LMX1B: variants seen among roughly 807,000 people sequenced by gnomAD.
The protein encoded by LMX1B is LIM homeobox transcription factor 1-beta.
A neutral mutation model predicts 51.4 loss-of-function variants in LMX1B; 12 were observed. The ratio of observed to expected loss-of-function variants is 0.23; its 90% CI spans 0.15 to 0.38. The LOEUF (loss-of-function observed/expected upper bound fraction) is 0.38. LMX1B is among the 10% of genes least tolerant of loss of function. LMX1B has a pLI of 1.00. For synonymous variants in LMX1B, 237 were observed against 235.4 expected (o/e 1.01, Z -0.06); for missense variants, 445 against 571.1 (o/e 0.78, Z 2.25).
intron 2 of LMX1B, among the ~76,000 whole-genome samples, chr9:126,620,533 A>G (rs751986899): frequency 1.4e-4 from 22 of 152,216 alleles, no homozygotes; most frequent in Non-Finnish European, 2.9e-4. Flanking sequence ...GGGTGCGCAC[A>G]GGTGCCAACT....
At chr9:126,654,750 C>T (rs774777835) in intron 2 of LMX1B, among the ~76,000 whole-genome samples, 13 of 152,208 alleles carry the variant, frequency 8.5e-5, no homozygotes, top group East Asian at 3.8e-4. Flanking sequence ...GAGCATGCCA[C>T]GGAGAGCCAG....
intron 2 of LMX1B, among the ~76,000 whole-genome samples, chr9:126,689,000 A>G (rs2118982983): frequency 6.6e-6 from 1 of 152,208 alleles, no homozygotes; most frequent in East Asian, 1.9e-4. Context: ...AATCCTGACA[A>G]CAGCCTTCAG....
chr9:126,686,302 T>TAAAG (rs1836768891), intron 2 of LMX1B, among the ~76,000 whole-genome samples: 2 of 140,764 alleles, frequency 1.4e-5, no homozygotes, highest in African/African-American at 2.6e-5. Context: ...AAAAAGAAAT[T>TAAAG]AATCAGATTA....
chr9:126,621,904 T>C (rs1410487263), intron 2 of LMX1B, among the ~76,000 whole-genome samples: 1 of 152,136 alleles, frequency 6.6e-6, no homozygotes, highest in Admixed American at 6.5e-5. Flanking sequence ...ATGGCAACTT[T>C]CTTGGGTTTC....
Position 126,670,281 on chromosome 9 carries a change from C to T in LMX1B, c.327-20555C>T, listed in dbSNP as rs976175260. Among the ~76,000 whole-genome samples the T allele has an allele frequency of 6.6e-5, 10 of 152,344 alleles. No individual in the cohort carries two copies. The East Asian group carries it at 1.3e-3, about 21-fold the overall frequency. On this transcript the variant is annotated intron_variant, in intron 2 of 7. Coordinates refer to ENST00000373474, the MANE Select transcript of LMX1B (RefSeq NM_001174147.2). The stretch of plus-strand genomic sequence containing the variant: ...TGAGTAGAGGCGGCAGACCTCCCCA[C>T]GGGTGGACACGTGTGCATGTGCATG...
In LMX1B at chr9:126,695,470, G is replaced by T. The variant is rs1316603486; in HGVS notation, c.887-369G>T. On this transcript the variant is annotated intron_variant, in intron 6 of 7. Transcript: ENST00000373474. This position sits in a 1 kb window ranked among gnomAD's most constrained non-coding sequence, Gnocchi z 5.2. Reference sequence around the variant, plus strand: ...CTAGTTCTTTAAGTCACATCAGGGCGGGGGCCCTTTCCTCCAGGAAGTCTT... The same window carrying T: ...CTAGTTCTTTAAGTCACATCAGGGCTGGGGCCCTTTCCTCCAGGAAGTCTT... Among the ~76,000 whole-genome samples the T allele has an allele frequency of 1.1e-5, 1 of 89,732 alleles. No individual in the cohort carries two copies. Among genetic ancestry groups the T allele is most frequent in the African/African-American group, 2.9e-5 (1 of 35,070 alleles). The allele number at this position is 89,732 out of a possible 152,430, so 58.9% of individuals were successfully genotyped here.
At position 126,677,327 on chromosome 9, in the gene LMX1B, G is replaced by T. The variant is rs973979018; in HGVS notation, c.327-13509G>T. On this transcript the variant is annotated intron_variant, in intron 2 of 7. Coordinates refer to ENST00000373474, the MANE Select transcript of LMX1B (RefSeq NM_001174147.2). This position sits in a 1 kb window ranked among gnomAD's most constrained non-coding sequence, Gnocchi z 5.0. ...TCCCCTGGGCTCAGCATGGAGTCCT[G>T]CTCCTCTCTGGCACCCCCTTCTCAA... Among the ~76,000 whole-genome samples the T allele has an allele frequency of 6.6e-6, 1 of 152,186 alleles. No individual in the cohort carries two copies. The highest frequency in any genetic ancestry group is 6.5e-5 in the Admixed American group (1 of 15,276).
intron 2 of LMX1B, among the ~76,000 whole-genome samples, chr9:126,672,806 C>T (rs2118948935): frequency 6.6e-6 from 1 of 152,324 alleles, no homozygotes; most frequent in African/African-American, 2.4e-5. Context: ...GCACCATGTC[C>T]TGGCCAGCGG....
At chr9:126,622,505 C>G (rs571710465) in intron 2 of LMX1B, among the ~76,000 whole-genome samples, 2 of 152,162 alleles carry the variant, frequency 1.3e-5, no homozygotes, top group Non-Finnish European at 2.9e-5. Flanking sequence ...GGTCCCTCCC[C>G]CAAGCGCCTC....
chr9:126,615,449 T>C lies in LMX1B; in HGVS notation c.206T>C (p.Met69Thr). The C allele has an allele frequency of 6.2e-7, 1 of 1,609,622 alleles. No homozygotes were observed. The highest frequency in any genetic ancestry group is 1.1e-5 in the South Asian group (1 of 90,430). The change falls in exon 2 of 8, where the codon ATG becomes ACG. Residue 69 changes from methionine to threonine, a missense_variant. Around this residue, in one of 3 missense-constraint regions of LMX1B, gnomAD observed 273 missense variants for 343.3 expected, o/e 0.80. Coordinates refer to ENST00000373474, the MANE Select transcript of LMX1B (RefSeq NM_001174147.2). This position sits in a 1 kb window ranked among gnomAD's most constrained non-coding sequence, Gnocchi z 6.0. ...CQRPISDRFL[M>T]RVNESSWHEE... ...CGGCCCATCTCCGACCGCTTCCTGA[T>C]GCGAGTCAACGAGTCGTCCTGGCAC...
rs1427742912 is a variant in LMX1B at position 126,615,368 on chromosome 9, C to T, written c.140-15C>T. On this transcript the variant is annotated splice_polypyrimidine_tract_variant and intron_variant, in intron 1 of 7. Coordinates refer to ENST00000373474, the MANE Select transcript of LMX1B (RefSeq NM_001174147.2). This position sits in a 1 kb window ranked among gnomAD's most constrained non-coding sequence, Gnocchi z 6.0. ...GGCGGCGCTGACGGCCGGGCTTTCG[C>T]CCTGTGCGCTACAGGCTCCGACTGC... 3 of 1,565,160 alleles carry T rather than the reference C, an allele frequency of 1.9e-6. No individual in the cohort carries two copies. Among genetic ancestry groups the T allele is most frequent in the African/African-American group, 1.4e-5 (1 of 70,928 alleles).
intron 2 of LMX1B, among the ~76,000 whole-genome samples, chr9:126,630,363 C>T (rs972434253): frequency 6.6e-6 from 1 of 152,028 alleles, no homozygotes; most frequent in Non-Finnish European, 1.5e-5. Flanking sequence ...GGAGCACCTG[C>T]ACTGAGCCTT....
intron 4 of LMX1B, 60 bp from the exon 5 acceptor site, chr9:126,693,464 C>T (rs2030213064): frequency 4.4e-6 from 7 of 1,585,424 alleles, no homozygotes; most frequent in Non-Finnish European, 6.1e-6. Context: ...ACCCCTAAAC[C>T]CACCATCTCC....
rs555913677 is a variant in LMX1B at position 126,693,124 on chromosome 9, G to A, written c.560-18G>A. 7.7e-6 allele frequency: 12 copies of A among 1,556,004 alleles called. No individual in the cohort carries two copies. The highest frequency in any genetic ancestry group is 9.6e-6 in the Non-Finnish European group (11 of 1,149,980). ...TGCCCCCGCCCCTTCATCACAGGCC[G>A]GGTTGTGTCCCCCACAGTGAAGAGC... On this transcript the variant is annotated intron_variant, in intron 3 of 7. Transcript: ENST00000373474.
At position 126,658,813 on chromosome 9, in the gene LMX1B, G is replaced by C. The variant is rs562284213; in HGVS notation, c.327-32023G>C. On this transcript the variant is annotated intron_variant, in intron 2 of 7. Coordinates refer to ENST00000373474, the MANE Select transcript of LMX1B (RefSeq NM_001174147.2). This position sits in a 1 kb window ranked among gnomAD's most constrained non-coding sequence, Gnocchi z 4.0. ...TGCATTCATTGCAGCAGGAGAGACC[G>C]GGGGTTCAAATTCAGAAAGCCCCCT... Among the ~76,000 whole-genome samples, 2 of 152,212 alleles carry C rather than the reference G, an allele frequency of 1.3e-5. No individual in the cohort carries two copies. The highest frequency in any genetic ancestry group is 4.8e-5 in the African/African-American group (2 of 41,436).
chr9:126,617,155 T>TG (rs1835318375), intron 2 of LMX1B, among the ~76,000 whole-genome samples: 1 of 152,182 alleles, frequency 6.6e-6, no homozygotes, highest in Non-Finnish European at 1.5e-5. Flanking sequence ...GAAAATAGTT[T>TG]GGGGTAGATG....
intron 2 of LMX1B, among the ~76,000 whole-genome samples, chr9:126,651,723 G>A (rs1307064428): frequency 1.3e-5 from 2 of 152,052 alleles, no homozygotes; most frequent in Non-Finnish European, 2.9e-5. Context: ...AGGAACATGG[G>A]GTGCTCAGAA....
intron 2 of LMX1B, among the ~76,000 whole-genome samples, chr9:126,663,894 G>A (rs1836290366): frequency 6.6e-6 from 1 of 152,246 alleles, no homozygotes; most frequent in South Asian, 2.1e-4. Context: ...CTGTCTTTGG[G>A]GAATCCCGGG....
intron 2 of LMX1B, among the ~76,000 whole-genome samples, chr9:126,681,534 C>T (rs1414354543): frequency 2.6e-5 from 4 of 152,052 alleles, no homozygotes. Flanking sequence ...ACTGTGCTAA[C>T]TTCCCAAAGC....
Sources: allele counts gnomAD v4.1 joint callset (sites outside exome capture counted in the v4.1 genomes callset), GRCh38; gene constraint gnomAD v4.1.1; regional missense constraint gnomAD v4.1.1; non-coding constraint Gnocchi (gnomAD v3.1); transcripts MANE v1.5; gene names NCBI Gene and HGNC (gene_info 2026-07-23, HGNC 2026-07-21).